Variants in CPOX observed in about 807,000 individuals in gnomAD.
CPOX encodes the protein oxygen-dependent coproporphyrinogen-III oxidase, mitochondrial.
Under a neutral mutation model 48.9 loss-of-function variants are expected in CPOX, and 24 were observed. The observed-to-expected ratio is 0.49, with a 90% CI of 0.36 to 0.69. The LOEUF is 0.69. Among genes scored for constraint, CPOX ranks in the 30% least tolerant of loss-of-function variants. The probability of loss-of-function intolerance (pLI) is 0.00; values close to 1 mark genes in which losing one functional copy is unlikely to be tolerated. For synonymous variants in CPOX, 249 were observed against 234.6 expected, an observed-to-expected ratio of 1.06 and a Z score of -0.56; for missense variants, 549 against 597.3, an observed-to-expected ratio of 0.92 and a Z score of 0.84.
chr3:98,576,382 C>G (rs565148249), downstream of CPOX, among the ~76,000 whole-genome samples: 2 of 152,092 alleles, frequency 1.3e-5, no homozygotes, highest in African/African-American at 4.8e-5. Flanking sequence ...GAGAACAGCA[C>G]GGGGATGGTT....
intron 3 of CPOX, among the ~76,000 whole-genome samples, chr3:98,590,334 AGAG>A (rs1024228374): frequency 7.9e-5 from 12 of 152,212 alleles, no homozygotes; most frequent in Non-Finnish European, 1.6e-4. Flanking sequence ...TTTTTAGTAG[AGAG>A]GAGATTTCAC....
At chr3:98,591,978 T>A (rs1007850483) in intron 1 of CPOX, among the ~76,000 whole-genome samples, 3 of 96,970 alleles carry the variant, frequency 3.1e-5, no homozygotes, top group South Asian at 6.5e-4. Context: ...TATATATATA[T>A]ATATATGTAT....
chr3:98,581,258 C>T (rs1218614684), intron 6 of CPOX, 149 bp downstream of exon 6: 1 of 674,948 alleles, frequency 1.5e-6, no homozygotes, highest in Non-Finnish European at 2.7e-6. Context: ...TTTGATTTGC[C>T]TTATTTGACT....
downstream of CPOX, among the ~76,000 whole-genome samples, chr3:98,575,981 A>T (rs1239590004): frequency 6.7e-6 from 1 of 150,280 alleles, no homozygotes; most frequent in Non-Finnish European, 1.5e-5. Context: ...CTGAGGCAAG[A>T]GAATGGCTTG....
Position 98,591,117 on chromosome 3 carries a change from C to A in CPOX, c.595G>T (p.Val199Phe). Reference protein sequence around the residue: ...GISCVLQDGCVFEKAGVSISV... With the variant: ...GISCVLQDGCFFEKAGVSISV... ...ATGCTCACCCCAGCCTTTTCGAAAA[C>A]ACACCCATCTTGAAGTACACAGCTG... The change falls in exon 2 of 7, where the codon GTT (valine) becomes TTT (phenylalanine). Residue 199 changes from valine to phenylalanine, a missense_variant. Val to Phe is a conservative substitution (Grantham distance 50). This residue lies in a region of CPOX where 336 missense variants were observed against 318.1 expected (regional missense o/e 1.06). Coordinates refer to ENST00000647941, the MANE Select transcript of CPOX (RefSeq NM_000097.7). 6.2e-7 allele frequency: 1 copy of A among 1,614,122 alleles called. No homozygotes were observed. Among genetic ancestry groups the A allele is most frequent in the Non-Finnish European group, 8.5e-7 (1 of 1,180,020 alleles).
intron 6 of CPOX, 56 bp from the exon 7 acceptor site, chr3:98,580,826 C>T: frequency 6.4e-7 from 1 of 1,557,168 alleles, no homozygotes. Context: ...ACACATACCT[C>T]TTTACTTAAA....
At chr3:98,571,345 AGTTT>A in the CPOX span, among the ~76,000 whole-genome samples, 2 of 152,150 alleles carry the variant, frequency 1.3e-5, no homozygotes, top group African/African-American at 4.8e-5. Flanking sequence ...ATTGAGAAAT[AGTTT>A]ATTTTCATTT....
intron 1 of CPOX, 61 bp from the exon 2 acceptor site, chr3:98,591,216 A>G (rs1308241395): frequency 2.5e-6 from 4 of 1,569,500 alleles, no homozygotes; most frequent in Non-Finnish European, 3.5e-6. Flanking sequence ...TGAAAGCAAC[A>G]CTTGCATGAA....
intron 5 of CPOX, 69 bp downstream of exon 5, chr3:98,585,372 C>G (rs1707341373): frequency 8.3e-7 from 1 of 1,200,440 alleles, no homozygotes; most frequent in Admixed American, 1.7e-5. Flanking sequence ...AACACAACAC[C>G]CGCTATTATT....
At chr3:98,585,879 C>CTT (rs1183334760) in intron 4 of CPOX, 107 of 406,368 alleles carry the variant, frequency 2.6e-4, no homozygotes, top group East Asian at 4.9e-4. Context: ...CTTTTCTTTT[C>CTT]TTTTTTTTTT....
At chr3:98,585,320 T>A (rs1707340690) in intron 5 of CPOX, 121 bp downstream of exon 5, 2 of 818,302 alleles carry the variant, frequency 2.4e-6, no homozygotes, top group Non-Finnish European at 4.3e-6. Context: ...TTAATATTCA[T>A]CTATGAAAAG....
chr3:98,591,028 A>G lies in CPOX; in HGVS notation c.684T>C (p.Val228=), dbSNP rs1707468604. The change falls in exon 2 of 7, where the codon GTT becomes GTC. Residue 228 remains valine (V), a synonymous_variant. Coordinates refer to ENST00000647941, the MANE Select transcript of CPOX (RefSeq NM_000097.7). ...AAKQMRSRGK[V]LKTKDGKLPF... is the part of the protein sequence containing the mutation. ...CTGATTTACCATCTTTAGTCTTCAG[A>G]ACTTTTCCTCTGCTTCTCATTTGTT... 1 of 1,614,068 alleles carries G rather than the reference A, an allele frequency of 6.2e-7. No homozygotes were observed. Among genetic ancestry groups the G allele is most frequent in the African/African-American group, 1.3e-5 (1 of 74,938 alleles).
intron 5 of CPOX, among the ~76,000 whole-genome samples, chr3:98,584,320 A>G (rs550769447): frequency 6.6e-6 from 1 of 152,314 alleles, no homozygotes; most frequent in South Asian, 2.1e-4. Context: ...GGGCCCCAAA[A>G]TAAGTATCAA....
chr3:98,591,018 T>C lies in CPOX; in HGVS notation c.694A>G (p.Lys232Glu). ...MRSRGKVLKTKDGKLPFCAMG... is the reference protein window; with the variant it reads ...MRSRGKVLKTEDGKLPFCAMG... ...TCAAGACTGTCTGATTTACCATCTTTAGTCTTCAGAACTTTTCCTCTGCTT... is the reference window on the plus strand; with the variant it reads ...TCAAGACTGTCTGATTTACCATCTTCAGTCTTCAGAACTTTTCCTCTGCTT... The change falls in exon 2 of 7, where the codon AAA (lysine) becomes GAA (glutamate). Residue 232 changes from lysine to glutamate, a missense_variant. By Grantham distance (56) the Lys-to-Glu change is moderately conservative. Coordinates refer to ENST00000647941, the MANE Select transcript of CPOX (RefSeq NM_000097.7). 1.9e-6 allele frequency: 3 copies of C among 1,614,172 alleles called. No individual in the cohort carries two copies. The highest frequency in any genetic ancestry group is 2.2e-5 in the South Asian group (2 of 91,082).
At chr3:98,585,718 C>A in intron 4 of CPOX, 59 bp from the exon 5 acceptor site, 1 of 1,326,664 alleles carries the variant, frequency 7.5e-7, no homozygotes, top group East Asian at 2.3e-5. Context: ...ACATGAAAAT[C>A]AATGTGAGCC....
rs1707257425 is a variant in CPOX, at chr3:98,581,458, G to A, written c.1226C>T (p.Thr409Ile). 6.2e-7 allele frequency: 1 copy of A among 1,613,922 alleles called. No homozygotes were observed. The highest frequency in any genetic ancestry group is 8.5e-7 in the Non-Finnish European group (1 of 1,179,978). Residue 409 changes from threonine (T) to isoleucine (I), a missense_variant, in exon 6 of 7, where the codon ACT becomes ATT. Coordinates refer to ENST00000647941, the MANE Select transcript of CPOX (RefSeq NM_000097.7). The part of the protein sequence containing the change: ...YDRGTKFGLF[T>I]PGSRIESILM... ...GATACTTTCAATTCTGGATCCTGGA[G>A]TGAAGAGGCCAAACTTTGTGCCCCG... is the stretch of plus-strand genomic sequence containing the variant.
downstream of CPOX, among the ~76,000 whole-genome samples, chr3:98,575,490 T>A (rs185838878): frequency 6.6e-6 from 1 of 152,222 alleles, no homozygotes; most frequent in African/African-American, 2.4e-5. Context: ...TTAGTGAATA[T>A]CCAGTATAAA....
At chr3:98,576,694 T>A (rs1029474198), downstream of CPOX, among the ~76,000 whole-genome samples, 69 of 152,310 alleles carry the variant, frequency 4.5e-4, no homozygotes, top group African/African-American at 1.6e-3. Context: ...TTCAAATACA[T>A]AATTCATACT....
intron 1 of CPOX, among the ~76,000 whole-genome samples, chr3:98,591,613 CAGT>C (rs1270969792): frequency 3.3e-5 from 5 of 152,076 alleles, no homozygotes; most frequent in African/African-American, 1.2e-4. Flanking sequence ...AATTAAGAAA[CAGT>C]AGGTAATCAA....
Sources: gnomAD v4.1 joint callset for allele counts (sites outside exome capture counted in the v4.1 genomes callset) on GRCh38, gnomAD v4.1.1 for gene constraint, gnomAD v4.1.1 regional missense constraint, MANE v1.5 for transcripts, NCBI Gene and HGNC (gene_info 2026-07-23, HGNC 2026-07-21) for gene names.